Variants in IL1RAPL1 observed in about 807,000 individuals in gnomAD.
IL1RAPL1 encodes interleukin-1 receptor accessory protein-like 1.
In IL1RAPL1, 3 loss-of-function variants were observed where a neutral mutation model predicts 48.4. That is an observed-to-expected ratio of 0.06 (90% CI 0.03 to 0.16). The LOEUF is 0.16. Ranked by LOEUF, IL1RAPL1 falls within the 10% of genes least tolerant of loss-of-function variation. IL1RAPL1 has a pLI of 1.00. For synonymous variants in IL1RAPL1, 185 were observed against 187.7 expected, an observed-to-expected ratio of 0.99 and a Z score of 0.12; for missense variants, 349 against 530.6, an observed-to-expected ratio of 0.66 and a Z score of 3.36.
intron 2 of IL1RAPL1, among the ~76,000 whole-genome samples, chrX:28,898,216 G>T (rs1026746896): frequency 9.0e-6 from 1 of 111,335 alleles, no homozygotes; most frequent in South Asian, 3.8e-4. Flanking sequence ...TCATTCCTTG[G>T]GTTCCCTTTT....
chrX:28,624,079 C>T (rs1435512331), intron 1 of IL1RAPL1, among the ~76,000 whole-genome samples: 1 of 111,720 alleles, frequency 9.0e-6, no homozygotes, highest in Non-Finnish European at 1.9e-5. Context: ...TTCAAATGTG[C>T]ACGTCAGTTG....
chrX:29,668,291 A>G (rs1308019626), intron 5 of IL1RAPL1, 139 bp from the exon 6 acceptor site: 1 of 531,401 alleles, frequency 1.9e-6, no homozygotes, highest in Non-Finnish European at 3.3e-6. Context: ...TATCTGCAGT[A>G]TGTTCATCGT....
At chrX:29,237,330 T>A (rs1931328966) in intron 2 of IL1RAPL1, among the ~76,000 whole-genome samples, 1 of 112,040 alleles carries the variant, frequency 8.9e-6, no homozygotes, top group Non-Finnish European at 1.9e-5. Context: ...ACAACGTTAA[T>A]TAGATACCGC....
chrX:29,436,550 G>A (rs182447589), intron 5 of IL1RAPL1, among the ~76,000 whole-genome samples: 64 of 109,507 alleles, frequency 5.8e-4, no homozygotes, highest in East Asian at 2.9e-4. Flanking sequence ...ATACTCCCCC[G>A]CCCTTTTTTT....
At chrX:29,620,707 C>T (rs1047190957) in intron 5 of IL1RAPL1, among the ~76,000 whole-genome samples, 4 of 111,795 alleles carry the variant, frequency 3.6e-5, no homozygotes, top group East Asian at 2.8e-4. Context: ...CTTCAGTAAG[C>T]GTTGAACTAG....
chrX:29,489,453 G>A (rs1935132840), intron 5 of IL1RAPL1, among the ~76,000 whole-genome samples: 3 of 111,651 alleles, frequency 2.7e-5, no homozygotes, highest in South Asian at 7.5e-4. Context: ...AACAAAAAAT[G>A]ATTTTAAAAA....
At position 29,920,041 on chromosome X, in the gene IL1RAPL1, A is replaced by T. The variant is rs1932832842; in HGVS notation, c.1004A>T (p.Tyr335Phe). Reference protein sequence around the residue: ...EEGDLGNYSCYVENGNGRRHA... With the variant: ...EEGDLGNYSCFVENGNGRRHA... ...GGTGACTTGGGAAATTACTCCTGTTATGTTGAAAATGGAAATGGACGTCGA... is the reference window on the plus strand; with the variant it reads ...GGTGACTTGGGAAATTACTCCTGTTTTGTTGAAAATGGAAATGGACGTCGA... Residue 335 changes from tyrosine to phenylalanine, a missense_variant, in exon 8 of 11, where the codon TAT (tyrosine) becomes TTT (phenylalanine). Tyr to Phe is a conservative substitution (Grantham distance 22, BLOSUM62 3). Around this residue, in one of 3 missense-constraint regions of IL1RAPL1, gnomAD observed 238 missense variants for 337.8 expected, o/e 0.70. Coordinates refer to ENST00000378993, the MANE Select transcript of IL1RAPL1 (RefSeq NM_014271.4). 8.3e-7 allele frequency: 1 copy of T among 1,209,126 alleles called. No individual in the cohort carries two copies. The highest frequency in any genetic ancestry group is 1.7e-5 in the African/African-American group (1 of 57,229).
chrX:29,337,107 G>T (rs761292770), intron 3 of IL1RAPL1, among the ~76,000 whole-genome samples: 2 of 111,673 alleles, frequency 1.8e-5, no homozygotes, highest in South Asian at 7.6e-4. Flanking sequence ...GGGGTATTGT[G>T]TTCTGAGTTC....
chrX:28,986,672 C>T (rs1925482190), intron 2 of IL1RAPL1, among the ~76,000 whole-genome samples: 1 of 111,959 alleles, frequency 8.9e-6, no homozygotes, highest in African/African-American at 3.2e-5. Flanking sequence ...TTGCTGTTGT[C>T]GAAAATGAGT....
At chrX:29,027,728 A>T (rs1926517420) in intron 2 of IL1RAPL1, among the ~76,000 whole-genome samples, 1 of 111,577 alleles carries the variant, frequency 9.0e-6, no homozygotes, top group South Asian at 3.7e-4. Context: ...GATTTTGGCC[A>T]TTCTAATAGT....
At chrX:28,736,173 C>T (rs1359162540) in intron 1 of IL1RAPL1, among the ~76,000 whole-genome samples, 3 of 111,281 alleles carry the variant, frequency 2.7e-5, no homozygotes, top group Non-Finnish European at 3.8e-5. Context: ...GTGGCTCACA[C>T]CTGTAATCTC....
intron 6 of IL1RAPL1, among the ~76,000 whole-genome samples, chrX:29,750,795 G>A (rs191312234): frequency 8.1e-4 from 90 of 111,552 alleles, no homozygotes; most frequent in African/African-American, 2.2e-3. Flanking sequence ...AAGAGTGATA[G>A]AATTAGAGCC....
intron 2 of IL1RAPL1, among the ~76,000 whole-genome samples, chrX:29,252,551 C>T (rs192179243): frequency 2.8e-3 from 314 of 113,644 alleles, no homozygotes; most frequent in Non-Finnish European, 4.3e-3. Context: ...AAATGCCTCC[C>T]CTTTATTTTT....
chrX:29,022,961 T>C (rs1200363722), intron 2 of IL1RAPL1, among the ~76,000 whole-genome samples: 1 of 112,291 alleles, frequency 8.9e-6, no homozygotes, highest in Non-Finnish European at 1.9e-5. Flanking sequence ...CCCACACTTG[T>C]TAGCATAATC....
intron 2 of IL1RAPL1, among the ~76,000 whole-genome samples, chrX:29,255,941 T>G (rs1931750837): frequency 9.0e-6 from 1 of 111,519 alleles, no homozygotes; most frequent in African/African-American, 3.3e-5. Flanking sequence ...GTATTTTTGC[T>G]AGAAGAATTT....
chrX:29,208,648 T>C (rs1225514905), intron 2 of IL1RAPL1, among the ~76,000 whole-genome samples: 2 of 107,680 alleles, frequency 1.9e-5, no homozygotes, highest in Non-Finnish European at 3.8e-5. Flanking sequence ...GAGGTGGAGA[T>C]TGCAGTGATC....
intron 3 of IL1RAPL1, among the ~76,000 whole-genome samples, chrX:29,326,980 G>T (rs1218384239): frequency 8.9e-6 from 1 of 111,861 alleles, no homozygotes; most frequent in Non-Finnish European, 1.9e-5. Flanking sequence ...CAAGAAGAAG[G>T]TTGTATGTAA....
intron 2 of IL1RAPL1, among the ~76,000 whole-genome samples, chrX:28,931,063 A>G (rs1923869407): frequency 8.9e-6 from 1 of 111,757 alleles, no homozygotes. Context: ...TATGCAGATA[A>G]CAGTGAGTGA....
intron 2 of IL1RAPL1, among the ~76,000 whole-genome samples, chrX:29,152,151 C>A (rs752611686): frequency 2.8e-4 from 31 of 111,104 alleles, no homozygotes; most frequent in Non-Finnish European, 5.3e-4. Flanking sequence ...AGGGGAACTG[C>A]CCTTTATAAA....
Sources: allele counts gnomAD v4.1 joint callset (sites outside exome capture counted in the v4.1 genomes callset), GRCh38; gene constraint gnomAD v4.1.1; regional missense constraint gnomAD v4.1.1; transcripts MANE v1.5; gene names NCBI Gene and HGNC (gene_info 2026-07-23, HGNC 2026-07-21).